The following DENND4C variants were observed in gnomAD, a reference collection of about 807,000 sequenced individuals.
The protein encoded by DENND4C is DENN domain-containing protein 4C.
A neutral mutation model predicts 203.0 loss-of-function variants in DENND4C; 108 were observed. The ratio of observed to expected loss-of-function variants is 0.53; its 90% CI spans 0.46 to 0.62. The LOEUF (loss-of-function observed/expected upper bound fraction) is 0.62, where lower values mean the gene tolerates loss of function less well. Ranked by LOEUF, DENND4C falls within the 20% of genes least tolerant of loss-of-function variation. The pLI is 0.00. For missense variants in DENND4C, 2,481 were observed against 2,301.2 expected (o/e 1.08, Z -1.60); for synonymous variants, 871 against 792.4 (o/e 1.10, Z -1.67).
At chr9:19,350,383 G>A (rs1005619754) in intron 23 of DENND4C, among the ~76,000 whole-genome samples, 7 of 152,110 alleles carry the variant, frequency 4.6e-5, no homozygotes, top group Non-Finnish European at 8.8e-5. Flanking sequence ...TACTTGTACT[G>A]GGATTCCTGA....
chr9:19,316,318 A>G (rs1024686917), intron 10 of DENND4C, 99 bp from the exon 11 acceptor site: 22 of 882,410 alleles, frequency 2.5e-5, no homozygotes, highest in Middle Eastern at 2.4e-4. Flanking sequence ...TAGTAAAAAC[A>G]TCTTTTCCAT....
chr9:19,371,799 G>C lies in DENND4C; in HGVS notation c.5719G>C (p.Gly1907Arg). 1.4e-6 allele frequency: 2 copies of C among 1,455,694 alleles called. No individual in the cohort carries two copies. Among genetic ancestry groups the C allele is most frequent in the Non-Finnish European group, 1.9e-6 (2 of 1,049,466 alleles). 90.2% of individuals were successfully genotyped at this position (1,455,694 alleles called of 1,614,324 possible). A position where few individuals can be genotyped will look rare whatever the true frequency, so the allele number is the denominator to read the frequency against. ...EILFLSLVSL[G>R]RENIDIEAFD... is the part of the protein sequence containing the mutation. The stretch of plus-strand genomic sequence containing the variant: ...CCTCTTCTTATCATTAGTGTCTCTA[G>C]GAAGAGAGAATATTGATATTGGTAA... Residue 1907 changes from glycine to arginine, a missense_variant, in exon 32 of 33, where the codon GGA becomes CGA. By Grantham distance (125) the Gly-to-Arg change is moderately radical (BLOSUM62 -2). Coordinates refer to ENST00000434457, the MANE Select transcript of DENND4C (RefSeq NM_001330640.2).
chr9:19,314,453 TG>T (rs1465733376), intron 10 of DENND4C, among the ~76,000 whole-genome samples: 4 of 152,030 alleles, frequency 2.6e-5, no homozygotes, highest in Non-Finnish European at 5.9e-5. Flanking sequence ...AGACTACACA[TG>T]GGGTACAGTG....
Position 19,372,053 on chromosome 9 carries a change from A to G in DENND4C, c.5757A>G (p.Glu1919=), listed in dbSNP as rs771554281. ...TTCTTTCAGAGGCATTTGACAATGAATATGGAATTGCATACAATAGTCTGT... is the reference window on the plus strand; with the variant it reads ...TTCTTTCAGAGGCATTTGACAATGAGTATGGAATTGCATACAATAGTCTGT... The part of the protein sequence containing the change: ...ENIDIEAFDN[E]YGIAYNSLSS... Residue 1919 remains glutamate, a synonymous_variant, in exon 33 of 33, where the codon GAA becomes GAG. Transcript: ENST00000434457. 1 of 1,608,204 alleles carries G rather than the reference A, an allele frequency of 6.2e-7. No homozygotes were observed. The highest frequency in any genetic ancestry group is 2.2e-5 in the East Asian group (1 of 44,846).
chr9:19,361,815 G>A (rs1369046122), intron 29 of DENND4C, 31 bp from the exon 30 acceptor site: 2 of 1,297,340 alleles, frequency 1.5e-6, no homozygotes, highest in Non-Finnish European at 2.2e-6. Context: ...TTATTCTCGG[G>A]ATACTAATAC....
chr9:19,350,878 A>G lies in DENND4C; in HGVS notation c.4494A>G (p.Thr1498=). 1 of 1,608,218 alleles carries G rather than the reference A, an allele frequency of 6.2e-7. No homozygotes were observed. The highest frequency in any genetic ancestry group is 8.5e-7 in the Non-Finnish European group (1 of 1,177,272). ...ATGTAGGAAAACTGCATTATCCAAC[A>G]GGTATGGGGAAGGATTATCCTTTCT... ...SGDVGKLHYP[T]GEVPFPRGMK... The change falls in exon 24 of 33, where the codon ACA becomes ACG. Residue 1498 remains threonine (T), a splice_region_variant and synonymous_variant. Coordinates refer to ENST00000434457, the MANE Select transcript of DENND4C (RefSeq NM_001330640.2).
intron 10 of DENND4C, among the ~76,000 whole-genome samples, chr9:19,311,589 C>CTA (rs1840751832): frequency 6.6e-6 from 1 of 152,026 alleles, no homozygotes; most frequent in African/African-American, 2.4e-5. Context: ...ACCAATAACT[C>CTA]TATAGAAAAA....
chr9:19,290,555 C>T, intron 4 of DENND4C, 149 bp from the exon 5 acceptor site: 1 of 506,054 alleles, frequency 2.0e-6, no homozygotes, highest in East Asian at 3.3e-5. Flanking sequence ...ATTTTAGTTT[C>T]TGTTATAGCA....
At chr9:19,252,749 T>A (rs1826961824) in intron 1 of DENND4C, among the ~76,000 whole-genome samples, 1 of 152,096 alleles carries the variant, frequency 6.6e-6, no homozygotes, top group Non-Finnish European at 1.5e-5. Context: ...ACATACTTTT[T>A]TTTTTTGGCG....
rs1379357839 is a variant in DENND4C at position 19,287,062 on chromosome 9, CA to C, written c.558+46del. 5.7e-6 allele frequency: 7 copies of C among 1,230,128 alleles called. No homozygotes were observed. The African/African-American group carries it at 1.1e-4, about 19-fold the overall frequency. The allele number at this position is 1,230,128 out of a possible 1,614,324, so 76.2% of individuals were successfully genotyped here. On this transcript the variant is annotated intron_variant, in intron 3 of 32. Coordinates refer to ENST00000434457, the MANE Select transcript of DENND4C (RefSeq NM_001330640.2). ...TCATCTTCAAAGTTTCATATGAAAC[CA>C]AAAAGGGATACGTTTTGGATTCCTG...
chr9:19,342,818 T>C (rs892842049), intron 22 of DENND4C, 39 bp downstream of exon 22: 16 of 1,497,200 alleles, frequency 1.1e-5, no homozygotes, highest in Middle Eastern at 3.8e-4. Context: ...ATTTAAAATA[T>C]ACTTTTATAG....
intron 30 of DENND4C, among the ~76,000 whole-genome samples, chr9:19,367,372 A>G (rs1827900814): frequency 6.6e-6 from 1 of 152,244 alleles, no homozygotes. Context: ...TCCACATGAA[A>G]ACTTGCACAT....
At chr9:19,326,286 C>G in intron 15 of DENND4C, 92 bp downstream of exon 15, 1 of 1,354,128 alleles carries the variant, frequency 7.4e-7, no homozygotes, top group Admixed American at 2.7e-5. Flanking sequence ...TTTTGTGAAA[C>G]TCATTTTCAG....
chr9:19,368,564 A>G (rs1828158833), intron 30 of DENND4C, among the ~76,000 whole-genome samples: 1 of 152,196 alleles, frequency 6.6e-6, no homozygotes, highest in African/African-American at 2.4e-5. Flanking sequence ...TTGGAGGCCA[A>G]GGTGGGAGGA....
intron 5 of DENND4C, among the ~76,000 whole-genome samples, chr9:19,294,639 G>A (rs1420957715): frequency 2.0e-5 from 3 of 152,152 alleles, no homozygotes; most frequent in Non-Finnish European, 2.9e-5. Flanking sequence ...CAACCCAAAC[G>A]TGCATCAACG....
At chr9:19,319,051 C>T (rs1405630074) in intron 12 of DENND4C, among the ~76,000 whole-genome samples, 2 of 151,746 alleles carry the variant, frequency 1.3e-5, no homozygotes, top group Admixed American at 1.3e-4. Flanking sequence ...TGCCTGTAAT[C>T]CCAGCTACTC....
intron 12 of DENND4C, among the ~76,000 whole-genome samples, chr9:19,321,676 C>A (rs544693996): frequency 2.0e-5 from 3 of 151,618 alleles, no homozygotes; most frequent in Non-Finnish European, 2.9e-5. Context: ...GAAACCCTGT[C>A]TCTACTAAAA....
intron 1 of DENND4C, among the ~76,000 whole-genome samples, chr9:19,262,277 G>C (rs984185798): frequency 3.7e-4 from 56 of 151,362 alleles, no homozygotes; most frequent in African/African-American, 1.2e-3. Context: ...AGTAGAGATG[G>C]GGGTTTCACC....
intron 30 of DENND4C, among the ~76,000 whole-genome samples, chr9:19,369,239 T>C (rs1475272265): frequency 6.6e-6 from 1 of 152,180 alleles, no homozygotes; most frequent in Non-Finnish European, 1.5e-5. Context: ...GGATCCAGGT[T>C]CCTTCTGTTG....
Sources: gnomAD v4.1 joint callset for allele counts (sites outside exome capture counted in the v4.1 genomes callset) on GRCh38, gnomAD v4.1.1 for gene constraint, MANE v1.5 for transcripts, NCBI Gene and HGNC (gene_info 2026-07-23, HGNC 2026-07-21) for gene names.